The following AGBL3 variants were observed in gnomAD, a reference collection of about 807,000 sequenced individuals.
AGBL3 encodes cytosolic carboxypeptidase 3.
A neutral mutation model predicts 94.5 loss-of-function variants in AGBL3; 68 were observed. That is an observed-to-expected ratio of 0.72 (90% confidence interval 0.59 to 0.88). The LOEUF (loss-of-function observed/expected upper bound fraction) is 0.88. AGBL3 is among the 40% of genes least tolerant of loss of function. AGBL3 has a pLI of 0.00. For synonymous variants in AGBL3, 354 were observed against 370.7 expected (o/e 0.95, Z 0.52); for missense variants, 934 against 1,103.8 (o/e 0.85, Z 2.18).
intron 16 of AGBL3, chr7:135,129,259 G>C: frequency 6.5e-7 from 1 of 1,528,752 alleles, no homozygotes; most frequent in Non-Finnish European, 9.1e-7. Context: ...ATCTGCTCCA[G>C]CTGCAATTTT....
chr7:135,072,628 G>C (rs955074869), intron 12 of AGBL3, among the ~76,000 whole-genome samples: 1 of 152,186 alleles, frequency 6.6e-6, no homozygotes, highest in East Asian at 1.9e-4. Flanking sequence ...CATGGATGAA[G>C]CTGGAAACCA....
At chr7:135,087,277 AAAAC>A (rs557126699) in intron 15 of AGBL3, among the ~76,000 whole-genome samples, 50 of 151,850 alleles carry the variant, frequency 3.3e-4, no homozygotes, top group Admixed American at 2.8e-3. Context: ...TCTTTCAAAA[AAAAC>A]CAACTTTTCA....
intron 11 of AGBL3, among the ~76,000 whole-genome samples, chr7:135,055,719 T>C (rs1245916218): frequency 6.6e-6 from 1 of 152,170 alleles, no homozygotes; most frequent in Non-Finnish European, 1.5e-5. Context: ...TGGTGTAGTT[T>C]TTCTTTCTTA....
At chr7:134,997,550 T>C (rs1452999640) in intron 4 of AGBL3, among the ~76,000 whole-genome samples, 1 of 152,222 alleles carries the variant, frequency 6.6e-6, no homozygotes, top group South Asian at 2.1e-4. Context: ...AGTGCCCACA[T>C]GGCTGACCTT....
At position 135,059,682 on chromosome 7, in the gene AGBL3, A is replaced by G. The variant is rs758989992; in HGVS notation, c.1908+447A>G. Among the ~76,000 whole-genome samples, 4 of 152,210 alleles carry G rather than the reference A, an allele frequency of 2.6e-5. No homozygotes were observed. In the South Asian group the frequency reaches 6.2e-4, roughly 24 times the overall value. On this transcript the variant is annotated intron_variant, in intron 12 of 16. Coordinates refer to ENST00000436302, the MANE Select transcript of AGBL3 (RefSeq NM_178563.4). ...CTGGGGGAGATACAAAATAAAGAAGATAAGTAAAATACATGATGTGTTACA... is the reference window on the plus strand; with the variant it reads ...CTGGGGGAGATACAAAATAAAGAAGGTAAGTAAAATACATGATGTGTTACA...
chr7:135,113,407 A>G (rs1825906376), intron 15 of AGBL3, among the ~76,000 whole-genome samples: 1 of 152,158 alleles, frequency 6.6e-6, no homozygotes, highest in Admixed American at 6.5e-5. Context: ...GAATATTTTA[A>G]AATAAATTCT....
At position 134,995,402 on chromosome 7, in the gene AGBL3, G is replaced by C. The variant is rs1330597570; in HGVS notation, c.310+1724G>C. 2.6e-5 allele frequency: 4 copies of C among 152,188 alleles called. No individual in the cohort carries two copies. The East Asian group carries it at 7.7e-4, about 29-fold the overall frequency. 9.4% of individuals were successfully genotyped at this position (152,188 alleles called of 1,614,324 possible). ...ACCTTTCTCTTCCTTAAATTTCCTA[G>C]CCCTCACTTTCAGCCGTCATTTTGC... is the stretch of plus-strand genomic sequence containing the variant. On this transcript the variant is annotated intron_variant, in intron 4 of 16. Coordinates refer to ENST00000436302, the MANE Select transcript of AGBL3 (RefSeq NM_178563.4).
chr7:135,101,620 G>T (rs1253709895), intron 15 of AGBL3, among the ~76,000 whole-genome samples: 1 of 152,090 alleles, frequency 6.6e-6, no homozygotes, highest in African/African-American at 2.4e-5. Flanking sequence ...TAGACATGGG[G>T]TTTTCAGTTG....
chr7:135,063,413 C>T (rs189024785), intron 12 of AGBL3, among the ~76,000 whole-genome samples: 2 of 151,920 alleles, frequency 1.3e-5, no homozygotes, highest in Non-Finnish European at 2.9e-5. Flanking sequence ...TTTCCTAGTT[C>T]CTTGAAGTGT....
At chr7:135,045,349 G>GA (rs1326068597) in intron 9 of AGBL3, 125 bp from the exon 10 acceptor site, 3 of 776,546 alleles carry the variant, frequency 3.9e-6, no homozygotes, top group Admixed American at 2.5e-5. Flanking sequence ...CTGTCCTGAA[G>GA]AAAAAAATCT....
At chr7:135,078,400 G>A (rs1482847227) in intron 13 of AGBL3, among the ~76,000 whole-genome samples, 3 of 152,136 alleles carry the variant, frequency 2.0e-5, no homozygotes, top group Admixed American at 2.0e-4. Context: ...AATGTAATAT[G>A]AATAGGAATT....
intron 12 of AGBL3, among the ~76,000 whole-genome samples, chr7:135,068,767 A>T (rs1022284943): frequency 6.6e-6 from 1 of 152,266 alleles, no homozygotes; most frequent in Non-Finnish European, 1.5e-5. Flanking sequence ...AACCAGTACC[A>T]GCCACTGCAA....
rs1301413191 is a variant in AGBL3, at chr7:135,115,459, T to C, written c.2190T>C (p.Asp730=). The C allele has an allele frequency of 1.3e-6, 2 of 1,551,354 alleles. No homozygotes were observed. Among genetic ancestry groups the C allele is most frequent in the Non-Finnish European group, 8.7e-7 (1 of 1,146,766 alleles). Residue 730 remains aspartate (D), a synonymous_variant, in exon 16 of 17, where the codon GAT becomes GAC. Coordinates refer to ENST00000436302, the MANE Select transcript of AGBL3 (RefSeq NM_178563.4). Reference sequence around the variant, plus strand: ...AGAAGACTGGCATAAATTGGACAGATGATGAAAAAAGAAGCTACAAGGATA... The same window carrying C: ...AGAAGACTGGCATAAATTGGACAGACGATGAAAAAAGAAGCTACAAGGATA... ...QSKKTGINWT[D]DEKRSYKDKG...
chr7:135,037,695 A>C (rs1181716939), intron 8 of AGBL3, 115 bp downstream of exon 8: 28 of 759,996 alleles, frequency 3.7e-5, no homozygotes, highest in Non-Finnish European at 5.2e-5. Flanking sequence ...AGTTAGTTTG[A>C]CCAGTTTATA....
At chr7:135,085,321 T>C (rs1821252445) in intron 15 of AGBL3, among the ~76,000 whole-genome samples, 1 of 152,168 alleles carries the variant, frequency 6.6e-6, no homozygotes, top group African/African-American at 2.4e-5. Context: ...TGTTGATTGG[T>C]TCCTTTGCTG....
rs182137003 is a variant in AGBL3, at chr7:135,019,893, C to T, written c.418+2734C>T. On this transcript the variant is annotated intron_variant, in intron 5 of 16. Coordinates refer to ENST00000436302, the MANE Select transcript of AGBL3 (RefSeq NM_178563.4). ...GCTGAAACTGGATCCATTCCTTACA[C>T]ATTATACAAAAATTAATTTAAGATG... Among the ~76,000 whole-genome samples the T allele has an allele frequency of 1.0e-3, 158 of 152,282 alleles. 2 individuals carry two copies. Among genetic ancestry groups the T allele is most frequent in the Non-Finnish European group, 1.2e-4 (8 of 68,020 alleles).
At chr7:135,007,107 T>A (rs933225430) in intron 4 of AGBL3, among the ~76,000 whole-genome samples, 4 of 151,874 alleles carry the variant, frequency 2.6e-5, no homozygotes, top group Non-Finnish European at 4.4e-5. Flanking sequence ...ACATTTAATG[T>A]TTAGAACATT....
chr7:135,101,229 G>A (rs898834271), intron 15 of AGBL3: 4 of 456,148 alleles, frequency 8.8e-6, no homozygotes, highest in South Asian at 4.6e-5. Context: ...GTCTCCTATG[G>A]GCAAACAAAC....
intron 13 of AGBL3, among the ~76,000 whole-genome samples, chr7:135,078,756 G>T (rs1299341601): frequency 1.3e-5 from 2 of 152,042 alleles, no homozygotes; most frequent in Non-Finnish European, 2.9e-5. Context: ...TGAGAAAGTT[G>T]CATACATTCT....
Sources: gnomAD v4.1 joint callset for allele counts (sites outside exome capture counted in the v4.1 genomes callset) on GRCh38, gnomAD v4.1.1 for gene constraint, MANE v1.5 for transcripts, NCBI Gene and HGNC (gene_info 2026-07-23, HGNC 2026-07-21) for gene names.